The following PLXDC2 variants were observed in gnomAD, a reference collection of about 807,000 sequenced individuals.
PLXDC2 encodes plexin domain containing 2, also known as plexin domain-containing protein 2.
In PLXDC2, 40 loss-of-function variants were observed where a neutral mutation model predicts 68.9. That is an observed-to-expected ratio of 0.58 (90% CI 0.45 to 0.76). The LOEUF (loss-of-function observed/expected upper bound fraction) is 0.76, where lower values mean the gene tolerates loss of function less well. PLXDC2 is among the 30% of genes least tolerant of loss of function. The pLI is 0.00. For synonymous variants in PLXDC2, 243 were observed against 234.2 expected, an observed-to-expected ratio of 1.04 and a Z score of -0.34; for missense variants, 644 against 661.9, an observed-to-expected ratio of 0.97 and a Z score of 0.30.
chr10:20,258,812 C>A (rs1043465452), intron 13 of PLXDC2, among the ~76,000 whole-genome samples: 1 of 151,952 alleles, frequency 6.6e-6, no homozygotes, highest in African/African-American at 2.4e-5. Context: ...TCGAGACCAT[C>A]CTGGCTAACA....
chr10:20,259,944 A>G (rs1045092706), intron 13 of PLXDC2, among the ~76,000 whole-genome samples: 1 of 152,188 alleles, frequency 6.6e-6, no homozygotes, highest in South Asian at 2.1e-4. Context: ...AAAAAGGAAG[A>G]AGATTCCTAT....
intron 12 of PLXDC2, among the ~76,000 whole-genome samples, chr10:20,235,645 A>C (rs1006565335): frequency 6.6e-6 from 1 of 152,160 alleles, no homozygotes; most frequent in African/African-American, 2.4e-5. Context: ...TTGAAGCCCC[A>C]AAGGTTCCAT....
chr10:19,895,602 C>T (rs1838043988), intron 1 of PLXDC2, among the ~76,000 whole-genome samples: 3 of 152,258 alleles, frequency 2.0e-5, no homozygotes, highest in Admixed American at 6.5e-5. Flanking sequence ...TTTGCACTTA[C>T]AGCACATCTC....
chr10:20,155,213 C>T (rs1433807884), intron 6 of PLXDC2, among the ~76,000 whole-genome samples: 1 of 152,098 alleles, frequency 6.6e-6, no homozygotes, highest in Admixed American at 6.5e-5. Context: ...CTTATTTAAA[C>T]TGTAATGACC....
intron 1 of PLXDC2, among the ~76,000 whole-genome samples, chr10:19,969,905 C>T (rs751628896): frequency 2.6e-5 from 4 of 152,182 alleles, no homozygotes; most frequent in Admixed American, 1.3e-4. Flanking sequence ...ATACTGCATA[C>T]AATCCAGAGG....
chr10:20,199,437 C>G (rs1038627945), intron 9 of PLXDC2, among the ~76,000 whole-genome samples: 1 of 151,622 alleles, frequency 6.6e-6, no homozygotes, highest in Non-Finnish European at 1.5e-5. Context: ...AGAGATAAGA[C>G]TATTGGAAAG....
chr10:20,175,637 TG>T (rs1369752584), intron 7 of PLXDC2, among the ~76,000 whole-genome samples: 1 of 152,144 alleles, frequency 6.6e-6, no homozygotes, highest in Non-Finnish European at 1.5e-5. Flanking sequence ...AAGACCAGCA[TG>T]GGCAACATAA....
At chr10:20,219,022 T>C in intron 11 of PLXDC2, 42 bp from the exon 12 acceptor site, 2 of 1,599,560 alleles carry the variant, frequency 1.3e-6, no homozygotes, top group Middle Eastern at 1.7e-4. Context: ...TCCTTTGAAA[T>C]CAATCCTTTT....
intron 7 of PLXDC2, among the ~76,000 whole-genome samples, chr10:20,176,390 A>ATGTGTGTGTG (rs66825907): frequency 0.015 from 2,224 of 149,392 alleles, 21 homozygotes; most frequent in South Asian, 0.042. Context: ...TCGCACAGTT[A>ATGTGTGTGTG]TGTGTGTGTG....
rs189486768 is a variant in PLXDC2 at position 20,073,703 on chromosome 10, A to G, written c.541+5464A>G. Among the ~76,000 whole-genome samples the G allele has an allele frequency of 7.2e-5, 11 of 152,328 alleles. No homozygotes were observed. The East Asian group carries it at 9.6e-4, about 13-fold the overall frequency. On this transcript the variant is annotated intron_variant, in intron 4 of 13. Transcript: ENST00000377252. ...TCAGAATACAAATATTTCAGGCACT[A>G]GAAACCTAGTTCTCTGTGAATTTCA...
intron 7 of PLXDC2, among the ~76,000 whole-genome samples, chr10:20,165,866 G>A (rs1834367747): frequency 6.6e-6 from 1 of 152,076 alleles, no homozygotes; most frequent in Non-Finnish European, 1.5e-5. Flanking sequence ...ATAGGCATCT[G>A]TTGAAAGCTT....
chr10:20,193,441 AAAC>A (rs1466714600), intron 9 of PLXDC2, among the ~76,000 whole-genome samples: 1 of 152,098 alleles, frequency 6.6e-6, no homozygotes, highest in Non-Finnish European at 1.5e-5. Context: ...TTATTAAAGG[AAAC>A]AACAGACAGC....
chr10:19,826,436 G>A (rs1340689831), intron 1 of PLXDC2, among the ~76,000 whole-genome samples: 1 of 152,032 alleles, frequency 6.6e-6, no homozygotes, highest in Non-Finnish European at 1.5e-5. Flanking sequence ...GTGCTTGTTT[G>A]GAGCAGAAAC....
intron 10 of PLXDC2, among the ~76,000 whole-genome samples, chr10:20,213,016 T>C (rs1835089593): frequency 6.6e-6 from 1 of 152,184 alleles, no homozygotes; most frequent in African/African-American, 2.4e-5. Flanking sequence ...TCATTTTCTC[T>C]ATGATTTTAT....
At chr10:20,057,016 C>T (rs776975062) in intron 3 of PLXDC2, among the ~76,000 whole-genome samples, 7 of 152,094 alleles carry the variant, frequency 4.6e-5, no homozygotes, top group Non-Finnish European at 1.0e-4. Context: ...ATAAACAAGG[C>T]AGGTATTTAC....
chr10:19,872,187 G>C (rs139461424), intron 1 of PLXDC2, among the ~76,000 whole-genome samples: 316 of 152,312 alleles, frequency 2.1e-3, no homozygotes, highest in Non-Finnish European at 3.9e-3. Context: ...TCCAGGACAT[G>C]AACGAAGACA....
intron 1 of PLXDC2, among the ~76,000 whole-genome samples, chr10:19,885,345 C>T (rs1349554976): frequency 6.6e-6 from 1 of 150,700 alleles, no homozygotes; most frequent in Non-Finnish European, 1.5e-5. Flanking sequence ...TGTGCAGAAG[C>T]TCTTTAGTTT....
At chr10:19,906,905 C>T (rs1190876206) in intron 1 of PLXDC2, among the ~76,000 whole-genome samples, 3 of 152,126 alleles carry the variant, frequency 2.0e-5, no homozygotes, top group African/African-American at 7.2e-5. Context: ...CATTCTTCAC[C>T]CTATGTTTGA....
intron 1 of PLXDC2, among the ~76,000 whole-genome samples, chr10:19,987,573 T>A (rs905307870): frequency 6.6e-6 from 1 of 150,846 alleles, no homozygotes; most frequent in African/African-American, 2.5e-5. Flanking sequence ...TTTTTTTTTC[T>A]TTTTTTGCGG....
Sources: allele counts gnomAD v4.1 joint callset (sites outside exome capture counted in the v4.1 genomes callset), GRCh38; gene constraint gnomAD v4.1.1; transcripts MANE v1.5; gene names NCBI Gene and HGNC (gene_info 2026-07-23, HGNC 2026-07-21).